Variants in COL4A3 observed in about 807,000 individuals in gnomAD.
COL4A3 encodes the protein collagen alpha-3(IV) chain.
In COL4A3, 135 loss-of-function variants were observed where a neutral mutation model predicts 217.4. That is an observed-to-expected ratio of 0.62 (90% CI 0.54 to 0.72). The LOEUF (loss-of-function observed/expected upper bound fraction) is 0.72, where lower values mean the gene tolerates loss of function less well. Ranked by LOEUF, COL4A3 falls within the 30% of genes least tolerant of loss-of-function variation. COL4A3 has a pLI of 0.00. For missense variants in COL4A3, 1,868 were observed against 2,119.9 expected (o/e 0.88, Z 2.33); for synonymous variants, 690 against 736.3 (o/e 0.94, Z 1.02).
chr2:227,257,493 C>T, intron 17 of COL4A3, 110 bp from the exon 18 acceptor site: 1 of 897,998 alleles, frequency 1.1e-6, no homozygotes, highest in South Asian at 1.4e-5. Flanking sequence ...TTGGTTTGTA[C>T]ATGACATCTA....
intron 1 of COL4A3, among the ~76,000 whole-genome samples, chr2:227,229,413 G>A (rs937087071): frequency 1.3e-5 from 2 of 152,162 alleles, no homozygotes; most frequent in Admixed American, 6.5e-5. Flanking sequence ...TAACAAATAT[G>A]AGTTAATTCA....
intron 22 of COL4A3, 22 bp from the exon 23 acceptor site, chr2:227,266,971 T>C: frequency 6.5e-7 from 1 of 1,531,752 alleles, no homozygotes; most frequent in Non-Finnish European, 9.0e-7. Flanking sequence ...TTTTAAGTAA[T>C]GCTAGTATGC....
intron 23 of COL4A3, chr2:227,268,708 G>C (rs1039252400): frequency 6.6e-6 from 1 of 152,218 alleles, no homozygotes; most frequent in South Asian, 2.1e-4. Flanking sequence ...GGGGCAGGGG[G>C]GAGGTAGGAG....
intron 21 of COL4A3, among the ~76,000 whole-genome samples, chr2:227,264,388 C>T (rs1054172271): frequency 4.6e-5 from 7 of 152,166 alleles, no homozygotes; most frequent in African/African-American, 1.7e-4. Flanking sequence ...CAGGCTGTGT[C>T]TGCATGGTTC....
At position 227,290,784 on chromosome 2, in the gene COL4A3, T is replaced by C. The variant is rs2106210471; in HGVS notation, c.3108T>C (p.Gly1036=). The C allele has an allele frequency of 6.2e-7, 1 of 1,613,524 alleles. No individual in the cohort carries two copies. Among genetic ancestry groups the C allele is most frequent in the Non-Finnish European group, 8.5e-7 (1 of 1,179,940 alleles). Residue 1036 remains glycine, a synonymous_variant, in exon 37 of 52, where the codon GGT becomes GGC. Transcript: ENST00000396578. ...AAAGGGGAACTTTGGGATTCCCAGG[T>C]CGAGCAGGAAGACCAGGCCTCCCAG... ...KGKRGTLGFP[G]RAGRPGLPGI...
At chr2:227,200,734 G>A (rs1384060422) in intron 1 of COL4A3, among the ~76,000 whole-genome samples, 1 of 152,114 alleles carries the variant, frequency 6.6e-6, no homozygotes, top group Non-Finnish European at 1.5e-5. Flanking sequence ...TCTGTGATTT[G>A]TACTTGTAAA....
chr2:227,293,827 C>T (rs1025052561), intron 38 of COL4A3: 3 of 467,438 alleles, frequency 6.4e-6, no homozygotes, highest in Non-Finnish European at 1.3e-5. Context: ...GGATGGCTAT[C>T]TTCTTCCAGT....
At chr2:227,219,143 C>A (rs2067653347) in intron 1 of COL4A3, among the ~76,000 whole-genome samples, 1 of 152,022 alleles carries the variant, frequency 6.6e-6, no homozygotes, top group African/African-American at 2.4e-5. Flanking sequence ...TACAGGCATG[C>A]ACCACCATGC....
At chr2:227,294,454 G>A in intron 38 of COL4A3, 36 bp from the exon 39 acceptor site, 2 of 1,280,300 alleles carry the variant, frequency 1.6e-6, no homozygotes, top group East Asian at 2.3e-5. Context: ...ATCTTTTGGT[G>A]ATCTTTTTTC....
chr2:227,267,125 CA>C, intron 23 of COL4A3, 37 bp downstream of exon 23: 1 of 1,409,106 alleles, frequency 7.1e-7, no homozygotes, highest in Non-Finnish European at 1.0e-6. Flanking sequence ...TTTGCAAGCA[CA>C]AAAGGGTCAA....
At chr2:227,225,473 A>G (rs1157697134) in intron 1 of COL4A3, among the ~76,000 whole-genome samples, 2 of 152,128 alleles carry the variant, frequency 1.3e-5, no homozygotes, top group African/African-American at 2.4e-5. Context: ...TCTCGATAAG[A>G]TTAGTTTACT....
At position 227,263,831 on chromosome 2, in the gene COL4A3, G is replaced by C. The variant is rs1405861501; in HGVS notation, c.1202G>C (p.Gly401Ala). ...RGAPGWPGLK[G>A]SKGERGRPGK... ...GCCCCTGGATGGCCAGGCCTGAAAG[G>C]AAGTAAAGGGGAACGAGGCCGCCCA... Residue 401 changes from glycine to alanine, a missense_variant, in exon 21 of 52, where the codon GGA (glycine) becomes GCA (alanine). Coordinates refer to ENST00000396578, the MANE Select transcript of COL4A3 (RefSeq NM_000091.5). 1 of 1,614,034 alleles carries C rather than the reference G, an allele frequency of 6.2e-7. No individual in the cohort carries two copies. The highest frequency in any genetic ancestry group is 1.3e-5 in the African/African-American group (1 of 74,942).
At chr2:227,240,847 A>T (rs1183895064) in intron 3 of COL4A3, among the ~76,000 whole-genome samples, 1 of 151,886 alleles carries the variant, frequency 6.6e-6, no homozygotes, top group Admixed American at 6.6e-5. Context: ...GCCTTCTACC[A>T]CCTCTCCTCT....
chr2:227,166,140 G>A (rs1445780848), intron 1 of COL4A3, among the ~76,000 whole-genome samples: 2 of 152,086 alleles, frequency 1.3e-5, no homozygotes, highest in Non-Finnish European at 2.9e-5. Context: ...AAAGTTAATT[G>A]AACCATTTCC....
At chr2:227,206,804 C>T (rs1485855513) in intron 1 of COL4A3, among the ~76,000 whole-genome samples, 1 of 152,220 alleles carries the variant, frequency 6.6e-6, no homozygotes, top group Non-Finnish European at 1.5e-5. Flanking sequence ...TGCAGGTTTA[C>T]ATGTCTTAGC....
chr2:227,291,582 A>C (rs1574809139), intron 37 of COL4A3, among the ~76,000 whole-genome samples: 3 of 24,252 alleles, frequency 1.2e-4, no homozygotes, highest in African/African-American at 1.7e-4. Flanking sequence ...AAAAAAAACA[A>C]AAAAAAAAAA....
intron 23 of COL4A3, among the ~76,000 whole-genome samples, chr2:227,268,081 G>T (rs1419547710): frequency 6.6e-6 from 1 of 152,188 alleles, no homozygotes; most frequent in Non-Finnish European, 1.5e-5. Context: ...ACCACCCACA[G>T]TCCTGACTCT....
In COL4A3 at chr2:227,273,068, C is replaced by T; in HGVS notation, c.1878C>T (p.Leu626=). The change falls in exon 26 of 52, where the codon CTC becomes CTT. Residue 626 remains leucine (L), a synonymous_variant. Coordinates refer to ENST00000396578, the MANE Select transcript of COL4A3 (RefSeq NM_000091.5). ...PGYGPQGEPG[L]QGTQGVPGAP... ...ACGGACCCCAAGGAGAACCTGGTCT[C>T]CAGGGCACGCAAGGAGTTCCTGGAG... The T allele has an allele frequency of 6.2e-7, 1 of 1,614,068 alleles. No homozygotes were observed. The highest frequency in any genetic ancestry group is 2.2e-5 in the East Asian group (1 of 44,866).
intron 1 of COL4A3, among the ~76,000 whole-genome samples, chr2:227,200,700 C>T (rs1259784498): frequency 6.6e-6 from 1 of 152,270 alleles, no homozygotes; most frequent in East Asian, 1.9e-4. Flanking sequence ...TATGCACAGA[C>T]TCCAAAAGCA....
Sources: gnomAD v4.1 joint callset for allele counts (sites outside exome capture counted in the v4.1 genomes callset) on GRCh38, gnomAD v4.1.1 for gene constraint, MANE v1.5 for transcripts, NCBI Gene and HGNC (gene_info 2026-07-23, HGNC 2026-07-21) for gene names.